STON2: variants seen among roughly 807,000 people sequenced by gnomAD.
The protein encoded by STON2 is stonin 2.
STON2 carries 29 observed loss-of-function variants against 65.7 expected under a neutral mutation model. That is an observed-to-expected ratio of 0.44 (90% CI 0.33 to 0.60). The LOEUF (loss-of-function observed/expected upper bound fraction) is 0.60. Among genes scored for constraint, STON2 ranks in the 20% least tolerant of loss-of-function variants. The pLI is 0.03. For synonymous variants in STON2, 404 were observed against 414.2 expected (o/e 0.98, Z 0.30); for missense variants, 1,054 against 1,118.1 (o/e 0.94, Z 0.82).
chr14:81,287,349 C>T (rs933446770), intron 5 of STON2, among the ~76,000 whole-genome samples: 12 of 152,156 alleles, frequency 7.9e-5, no homozygotes, highest in South Asian at 4.1e-4. Context: ...TTGTCCAGGA[C>T]GGAGGATGCT....
In STON2 at chr14:81,348,074, C is replaced by T. The variant is rs146970234; in HGVS notation, c.571+22914G>A. Among the ~76,000 whole-genome samples the T allele has an allele frequency of 1.4e-3, 211 of 152,060 alleles. 1 individual carries two copies. Among genetic ancestry groups the T allele is most frequent in the South Asian group, 8.9e-3 (43 of 4,818 alleles). ...AGAGCATTTGGTAAAATTCAACATT[C>T]CTTTATGTTAAAAACTCTCAACAAA... On this transcript the variant is annotated intron_variant, in intron 4 of 7. Coordinates refer to ENST00000614646, the MANE Select transcript of STON2 (RefSeq NM_001394390.1).
At chr14:81,352,817 T>A (rs1012224999) in intron 4 of STON2, among the ~76,000 whole-genome samples, 2 of 143,388 alleles carry the variant, frequency 1.4e-5, no homozygotes, top group African/African-American at 6.0e-5. Flanking sequence ...AGACCACAAG[T>A]TTTTTATTAA....
intron 4 of STON2, among the ~76,000 whole-genome samples, chr14:81,351,730 T>A (rs1169083319): frequency 2.0e-5 from 3 of 152,162 alleles, no homozygotes; most frequent in African/African-American, 7.2e-5. Flanking sequence ...CTAGTCCAGT[T>A]CCCCAGTCCA....
At chr14:81,376,892 T>A (rs751343660) in intron 3 of STON2, among the ~76,000 whole-genome samples, 5 of 152,212 alleles carry the variant, frequency 3.3e-5, no homozygotes, top group African/African-American at 7.2e-5. Flanking sequence ...AAACTTCTTG[T>A]ACATTTTTTC....
At chr14:81,396,498 G>A (rs75159898) in intron 2 of STON2, among the ~76,000 whole-genome samples, 4,127 of 152,290 alleles carry the variant, frequency 0.027, 200 homozygotes, top group African/African-American at 0.094. Flanking sequence ...GGTCAAGTAG[G>A]AAATATACCT....
At chr14:81,408,157 A>ACACACACACACACACG (rs147841517) in intron 2 of STON2, among the ~76,000 whole-genome samples, 155 of 150,512 alleles carry the variant, frequency 1.0e-3, no homozygotes, top group African/African-American at 3.4e-3. Context: ...ACACACACAC[A>ACACACACACACACACG]CGCGCACACA....
At chr14:81,370,100 C>T (rs746551384) in intron 4 of STON2, among the ~76,000 whole-genome samples, 6 of 152,182 alleles carry the variant, frequency 3.9e-5, no homozygotes, top group Non-Finnish European at 7.3e-5. Context: ...CAAGACAGAT[C>T]GCTCTCTATA....
intron 4 of STON2, among the ~76,000 whole-genome samples, chr14:81,328,926 G>T (rs529902699): frequency 6.6e-6 from 1 of 152,068 alleles, no homozygotes; most frequent in East Asian, 1.9e-4. Flanking sequence ...AGATGCCAGC[G>T]CCATGCTTCT....
chr14:81,364,290 A>G (rs1260256938), intron 4 of STON2, among the ~76,000 whole-genome samples: 1 of 152,244 alleles, frequency 6.6e-6, no homozygotes, highest in Non-Finnish European at 1.5e-5. Context: ...AAATACAAAG[A>G]AAGTCTGGCA....
chr14:81,285,567 A>T (rs61978887), intron 5 of STON2, among the ~76,000 whole-genome samples: 192 of 152,358 alleles, frequency 1.3e-3, no homozygotes, highest in Non-Finnish European at 2.2e-3. Flanking sequence ...TATAAGCATG[A>T]TCCACTGCAC....
chr14:81,279,138 T>C lies in STON2; in HGVS notation c.743-399A>G, dbSNP rs1368501391. On this transcript the variant is annotated intron_variant, in intron 5 of 7. Coordinates refer to ENST00000614646, the MANE Select transcript of STON2 (RefSeq NM_001394390.1). ...CTATATAAAATGATATAAGCTCATC[T>C]CACTGAAAAAAACCAAGTTATCGTC... Among the ~76,000 whole-genome samples, 3 of 152,140 alleles carry C rather than the reference T, an allele frequency of 2.0e-5. No individual in the cohort carries two copies. In the East Asian group the frequency reaches 5.8e-4, roughly 29 times the overall value.
At chr14:81,430,218 C>T (rs1002003692) in intron 1 of STON2, among the ~76,000 whole-genome samples, 5 of 152,184 alleles carry the variant, frequency 3.3e-5, no homozygotes, top group Non-Finnish European at 5.9e-5. Context: ...ACTTGACAGC[C>T]CACTGGATTA....
At position 81,266,103 on chromosome 14, in the gene STON2, T is replaced by C. The variant is rs1342510456; in HGVS notation, c.*2311A>G. 3.0e-6 allele frequency: 3 copies of C among 984,584 alleles called. No homozygotes were observed. The highest frequency in any genetic ancestry group is 3.6e-6 in the Non-Finnish European group (3 of 829,296). 61.0% of individuals were successfully genotyped at this position (984,584 alleles called of 1,614,324 possible). On this transcript the variant is annotated 3_prime_UTR_variant, in exon 8 of 8. Transcript: ENST00000614646. ...CTTATGAAGAAAAAGACAAATGAAG[T>C]TAGAGAGTCTTATTACTATTGAGAC...
intron 4 of STON2, among the ~76,000 whole-genome samples, chr14:81,354,700 T>C (rs1898154943): frequency 6.6e-6 from 1 of 151,986 alleles, no homozygotes; most frequent in African/African-American, 2.4e-5. Context: ...ATCCTAGAGA[T>C]AAAGAACACA....
Position 81,267,388 on chromosome 14 carries a change from C to T in STON2, c.*1026G>A. ...AATTTTGGGGGAAAGCTCATTCAAG[C>T]TTAATTTTAAAACAGCTTTAAAAAT... is the stretch of plus-strand genomic sequence containing the variant. On this transcript the variant is annotated 3_prime_UTR_variant, in exon 8 of 8. Transcript: ENST00000614646. 4.1e-6 allele frequency: 4 copies of T among 985,370 alleles called. No individual in the cohort carries two copies. The highest frequency in any genetic ancestry group is 4.8e-6 in the Non-Finnish European group (4 of 829,922). The allele number at this position is 985,370 out of a possible 1,614,324, so 61.0% of individuals were successfully genotyped here. A position where few individuals can be genotyped will look rare whatever the true frequency, so the allele number is the denominator to read the frequency against.
chr14:81,324,440 G>A (rs755216421), intron 4 of STON2, among the ~76,000 whole-genome samples: 1 of 152,264 alleles, frequency 6.6e-6, no homozygotes, highest in Admixed American at 6.5e-5. Flanking sequence ...TAATGCAAAG[G>A]TTACTTCAAA....
At position 81,265,626 on chromosome 14, in the gene STON2, C is replaced by T; in HGVS notation, c.*2788G>A. 2.6e-6 allele frequency: 1 copy of T among 387,664 alleles called. No individual in the cohort carries two copies. Among genetic ancestry groups the T allele is most frequent in the Non-Finnish European group, 3.5e-6 (1 of 289,750 alleles). 24.0% of individuals were successfully genotyped at this position (387,664 alleles called of 1,614,324 possible). On this transcript the variant is annotated 3_prime_UTR_variant, in exon 8 of 8. Transcript: ENST00000614646. ...CGCCATTGCACTCCAGCCTGGGCGACAAGAGCGAAACTTTGTCTCAGTAAT... is the reference window on the plus strand; with the variant it reads ...CGCCATTGCACTCCAGCCTGGGCGATAAGAGCGAAACTTTGTCTCAGTAAT...
Position 81,288,416 on chromosome 14 carries a change from G to GC in STON2, c.743-9678dup, listed in dbSNP as rs1173796192. ...CTATACTCCGAGGCTGCATGGTATA[G>GC]CCTATTGCTCCTAAGCTACAAACGT... On this transcript the variant is annotated intron_variant, in intron 5 of 7. Coordinates refer to ENST00000614646, the MANE Select transcript of STON2 (RefSeq NM_001394390.1). Among the ~76,000 whole-genome samples, 9 of 152,296 alleles carry GC rather than the reference G, an allele frequency of 5.9e-5. No individual in the cohort carries two copies. In the East Asian group the frequency reaches 1.7e-3, roughly 29 times the overall value.
At chr14:81,343,049 T>C (rs1361340749) in intron 4 of STON2, among the ~76,000 whole-genome samples, 1 of 152,142 alleles carries the variant, frequency 6.6e-6, no homozygotes. Context: ...CCTCCAGGAA[T>C]ATCATCTTCT....
Sources: gnomAD v4.1 joint callset for allele counts (sites outside exome capture counted in the v4.1 genomes callset) on GRCh38, gnomAD v4.1.1 for gene constraint, MANE v1.5 for transcripts, NCBI Gene and HGNC (gene_info 2026-07-23, HGNC 2026-07-21) for gene names.